Variants in GPS1 observed in about 807,000 individuals in gnomAD.
GPS1 encodes G protein pathway suppressor 1, also known as COP9 signalosome complex subunit 1.
GPS1 carries 11 observed loss-of-function variants against 60.0 expected under a neutral mutation model. That is an observed-to-expected ratio of 0.18 (90% CI 0.12 to 0.30). The LOEUF is 0.30. Among genes scored for constraint, GPS1 ranks in the 10% least tolerant of loss-of-function variants. The pLI, the probability that GPS1 is intolerant of heterozygous loss-of-function variation, is 1.00. For missense variants in GPS1, 543 were observed against 669.2 expected (o/e 0.81, Z 2.08); for synonymous variants, 343 against 269.8 (o/e 1.27, Z -2.66).
intron 2 of GPS1, chr17:82,053,628 T>C: frequency 1.8e-6 from 1 of 552,742 alleles, no homozygotes. Context: ...AGTGGGTGTC[T>C]ATCCCCGAAA....
intron 3 of GPS1, 32 bp from the exon 4 acceptor site, chr17:82,054,478 G>T: frequency 6.8e-7 from 1 of 1,460,472 alleles, no homozygotes; most frequent in Non-Finnish European, 9.0e-7. Context: ...CCCCGTGACC[G>T]CCGCCATCCT....
chr17:82,056,877 C>A lies in GPS1; in HGVS notation c.1292C>A (p.Thr431Asn), dbSNP rs1033515746. 1 of 1,612,870 alleles carries A rather than the reference C, an allele frequency of 6.2e-7. No homozygotes were observed. Among genetic ancestry groups the A allele is most frequent in the Non-Finnish European group, 8.5e-7 (1 of 1,179,924 alleles). ...CGGGACGTGGATCAGCGCAGCACCA[C>A]CTTTGAGAAGTCTCTGTTGATGGGC... Reference protein sequence around the residue: ...YARDVDQRSTTFEKSLLMGKE... With the variant: ...YARDVDQRSTNFEKSLLMGKE... The change falls in exon 12 of 13, where the codon ACC becomes AAC. Residue 431 changes from threonine (T) to asparagine (N), a missense_variant. Physicochemically the swap from Thr to Asn is moderately conservative, Grantham distance 65 (BLOSUM62 0). This residue lies in a region of GPS1 where 291 missense variants were observed against 353.7 expected (regional missense o/e 0.82). Coordinates refer to ENST00000578552, the MANE Select transcript of GPS1 (RefSeq NM_001321092.3).
chr17:82,056,062 G>T lies in GPS1; in HGVS notation c.896G>T (p.Arg299Leu). The part of the protein sequence containing the change: ...GGLCALATFD[R>L]QELQRNVISS... ...CTGTGCGCCTTGGCTACCTTTGACC[G>T]GCAGGAGCTGCAGCGCAATGTCATC... Residue 299 changes from arginine to leucine, a missense_variant, in exon 8 of 13, where the codon CGG becomes CTG. Physicochemically the swap from Arg to Leu is moderately radical, Grantham distance 102. Transcript: ENST00000578552. The T allele has an allele frequency of 6.2e-7, 1 of 1,612,562 alleles. No homozygotes were observed. Among genetic ancestry groups the T allele is most frequent in the South Asian group, 1.1e-5 (1 of 91,054 alleles).
rs757221185 is a variant in GPS1 at position 82,056,089 on chromosome 17, C to G, written c.923C>G (p.Ser308Cys). Reference protein sequence around the residue: ...DRQELQRNVISSSSFKLFLEL... With the variant: ...DRQELQRNVICSSSFKLFLEL... ...CAGGAGCTGCAGCGCAATGTCATCT[C>G]CAGCAGGTAGGTGCCCCGGTCCTGC... Residue 308 changes from serine to cysteine, a missense_variant, in exon 8 of 13, where the codon TCC (serine) becomes TGC (cysteine). Around this residue, in one of 3 missense-constraint regions of GPS1, gnomAD observed 291 missense variants for 353.7 expected, o/e 0.82. Coordinates refer to ENST00000578552, the MANE Select transcript of GPS1 (RefSeq NM_001321092.3). 2 of 1,611,450 alleles carry G rather than the reference C, an allele frequency of 1.2e-6. No homozygotes were observed. Among genetic ancestry groups the G allele is most frequent in the East Asian group, 4.5e-5 (2 of 44,876 alleles).
chr17:82,051,492 C>A, upstream of GPS1: 1 of 1,369,532 alleles, frequency 7.3e-7, no homozygotes, highest in South Asian at 1.7e-5. The surrounding 1 kb of genome is among the most constrained non-coding windows in gnomAD (Gnocchi z 4.1). Flanking sequence ...GGTCGGGGTC[C>A]GGCGCACCTG....
At position 82,057,184 on chromosome 17, in the gene GPS1, G is replaced by T. The variant is rs138450617; in HGVS notation, c.*57G>T. The T allele has an allele frequency of 1.3e-6, 2 of 1,578,448 alleles. No homozygotes were observed. Among genetic ancestry groups the T allele is most frequent in the East Asian group, 4.5e-5 (2 of 44,396 alleles). ...CCCCCTCCCCACCTCCACGGACCTC[G>T]GACCTCCAGGCGGCTCAGTGCTGCC... On this transcript the variant is annotated 3_prime_UTR_variant, in exon 13 of 13. Transcript: ENST00000578552.
chr17:82,052,303 C>T, intron 1 of GPS1: 1 of 1,612,922 alleles, frequency 6.2e-7, no homozygotes, highest in Non-Finnish European at 8.5e-7. Context: ...AAAGTCAGGA[C>T]AGAATGAGGG....
chr17:82,055,295 G>A (rs776091017), intron 6 of GPS1, 73 bp downstream of exon 6: 6 of 1,445,598 alleles, frequency 4.2e-6, no homozygotes, highest in Non-Finnish European at 5.7e-6. Context: ...AGGGCAGTAG[G>A]CTGGTCCCTG....
Position 82,054,729 on chromosome 17 carries a change from C to T in GPS1, c.528C>T (p.Asn176=), listed in dbSNP as rs144937537. 4.6e-5 allele frequency: 74 copies of T among 1,612,222 alleles called. No homozygotes were observed. In the African/African-American group the frequency reaches 5.3e-4, roughly 12 times the overall value. ...DHYLDCGDLS[N]ALKCYSRARD... is the part of the protein sequence containing the mutation. ...ACCTGGACTGTGGGGACCTCAGCAA[C>T]GCCCTCAAGTGCTATTCCCGGGCCC... Residue 176 remains asparagine (N), a synonymous_variant, in exon 4 of 13, where the codon AAC becomes AAT. Coordinates refer to ENST00000578552, the MANE Select transcript of GPS1 (RefSeq NM_001321092.3).
Position 82,054,574 on chromosome 17 carries a change from G to A in GPS1, c.373G>A (p.Ala125Thr). 1 of 1,599,186 alleles carries A rather than the reference G, an allele frequency of 6.3e-7. No individual in the cohort carries two copies. The stretch of plus-strand genomic sequence containing the variant: ...CGTGGAGCCCCCAGCCCTGGACACG[G>A]CCTGGGTGGAGGCCACGCGGAAGAA... ...SGVEPPALDT[A>T]WVEATRKKAL... The change falls in exon 4 of 13, where the codon GCC (alanine) becomes ACC (threonine). Residue 125 changes from alanine to threonine, a missense_variant. Transcript: ENST00000578552.
In GPS1 at chr17:82,054,558, C is replaced by T. The variant is rs1179593892; in HGVS notation, c.357C>T (p.Pro119=). 1.3e-6 allele frequency: 2 copies of T among 1,589,156 alleles called. No individual in the cohort carries two copies. The highest frequency in any genetic ancestry group is 1.7e-5 in the Admixed American group (1 of 58,616). Residue 119 remains proline (P), a synonymous_variant, in exon 4 of 13, where the codon CCC becomes CCT. Transcript: ENST00000578552. ...CCATCCCTGAGAGCGGCGTGGAGCC[C>T]CCAGCCCTGGACACGGCCTGGGTGG... ...PDAIPESGVE[P]PALDTAWVEA...
Position 82,056,831 on chromosome 17 carries a change from C to G in GPS1, c.1255-9C>G, listed in dbSNP as rs758410261. The G allele has an allele frequency of 1.2e-5, 19 of 1,612,044 alleles. No homozygotes were observed. The highest frequency in any genetic ancestry group is 1.6e-5 in the Non-Finnish European group (19 of 1,179,696). On this transcript the variant is annotated splice_polypyrimidine_tract_variant and intron_variant, in intron 11 of 12. Transcript: ENST00000578552. The stretch of plus-strand genomic sequence containing the variant: ...GAGCCTGGGCCCCGCTGAGCTTGTG[C>G]CTGCACAGATCCTATACGCCCGGGA...
chr17:82,051,540 C>T (rs1285072186), upstream of GPS1: 2 of 1,399,934 alleles, frequency 1.4e-6, no homozygotes, highest in African/African-American at 1.5e-5. The surrounding 1 kb of genome is among the most constrained non-coding windows in gnomAD (Gnocchi z 4.1). Flanking sequence ...CAGCAGCAGC[C>T]GCAGGCGCGG....
chr17:82,055,970 C>G (rs764351428), intron 7 of GPS1, 31 bp from the exon 8 acceptor site: 1 of 1,548,208 alleles, frequency 6.5e-7, no homozygotes, highest in Non-Finnish European at 8.9e-7. Context: ...TGGCCCTTCA[C>G]TGCCTGTGAC....
upstream of GPS1, chr17:82,051,009 G>A (rs527348836): frequency 3.8e-5 from 53 of 1,408,778 alleles, 2 homozygotes; most frequent in South Asian, 7.8e-4. The surrounding 1 kb of genome is among the most constrained non-coding windows in gnomAD (Gnocchi z 4.1). Flanking sequence ...AGCTCGCCCT[G>A]ACCTGGCCTG....
rs1210443635 is a variant in GPS1, at chr17:82,056,399, C to CCT, written c.1035+9_1035+10insTC. On this transcript the variant is annotated intron_variant, in intron 9 of 12. Coordinates refer to ENST00000578552, the MANE Select transcript of GPS1 (RefSeq NM_001321092.3). ...ATGCTGGACGAGATGAAGGTGGGCC[C>CCT]CGCCTGGGGTAGGGGTGAGGTGGGG... 6.2e-7 allele frequency: 1 copy of CCT among 1,612,708 alleles called. No individual in the cohort carries two copies. Among genetic ancestry groups the CCT allele is most frequent in the African/African-American group, 1.3e-5 (1 of 74,910 alleles).
Position 82,055,358 on chromosome 17 carries a change from T to C in GPS1, c.748+136T>C, listed in dbSNP as rs988214930. 7 of 940,682 alleles carry C rather than the reference T, an allele frequency of 7.4e-6. No homozygotes were observed. In the African/African-American group the frequency reaches 9.8e-5, roughly 13 times the overall value. 58.3% of individuals were successfully genotyped at this position (940,682 alleles called of 1,614,324 possible). A position where few individuals can be genotyped will look rare whatever the true frequency, so the allele number is the denominator to read the frequency against. ...GGGCGCAGGATGTTGTGGGCACATG[T>C]ACAGGTGTAGGTGGTGCCTAAAGTC... is the stretch of plus-strand genomic sequence containing the variant. On this transcript the variant is annotated intron_variant, in intron 6 of 12. Transcript: ENST00000578552.
In GPS1 at chr17:82,053,733, C is replaced by G. The variant is rs573427104; in HGVS notation, c.127-135C>G. 30 of 848,162 alleles carry G rather than the reference C, an allele frequency of 3.5e-5. No homozygotes were observed. In the African/African-American group the frequency reaches 5.0e-4, roughly 14 times the overall value. The allele number at this position is 848,162 out of a possible 1,614,324, so 52.5% of individuals were successfully genotyped here. ...TGGGACAGCAGTCAGTCTCGTACCC[C>G]CATGCCCGGTTCTGGTTATGGGCCC... is the stretch of plus-strand genomic sequence containing the variant. On this transcript the variant is annotated intron_variant, in intron 2 of 12. Coordinates refer to ENST00000578552, the MANE Select transcript of GPS1 (RefSeq NM_001321092.3).
intron 1 of GPS1, chr17:82,052,342 G>A (rs1223996852): frequency 2.5e-6 from 4 of 1,612,878 alleles, no homozygotes; most frequent in Non-Finnish European, 3.4e-6. Flanking sequence ...CGGCCTCCTC[G>A]TCAGTGACAG....
Sources: gnomAD v4.1 joint callset for allele counts on GRCh38, gnomAD v4.1.1 for gene constraint, gnomAD v4.1.1 regional missense constraint, Gnocchi (gnomAD v3.1) non-coding constraint, MANE v1.5 for transcripts, NCBI Gene and HGNC (gene_info 2026-07-23, HGNC 2026-07-21) for gene names.